The following ZFHX3 variants were observed in gnomAD, a reference collection of about 807,000 sequenced individuals.
The protein encoded by ZFHX3 is zinc finger homeobox 3.
ZFHX3 carries 42 observed loss-of-function variants against 279.1 expected under a neutral mutation model. The observed-to-expected ratio is 0.15, with a 90% CI of 0.12 to 0.19. ZFHX3 has a LOEUF of 0.19. Ranked by LOEUF, ZFHX3 falls within the 10% of genes least tolerant of loss-of-function variation. The pLI, the probability that ZFHX3 is intolerant of heterozygous loss-of-function variation, is 1.00. For missense variants in ZFHX3, 4,981 were observed against 4,754.0 expected (o/e 1.05, Z -1.40); for synonymous variants, 2,293 against 1,957.8 (o/e 1.17, Z -4.52).
chr16:73,008,050 T>G (rs1963778707), intron 1 of ZFHX3, among the ~76,000 whole-genome samples: 1 of 152,216 alleles, frequency 6.6e-6, no homozygotes, highest in African/African-American at 2.4e-5. Flanking sequence ...CTTTTAGATT[T>G]ATCAATTCAG....
upstream of ZFHX3, among the ~76,000 whole-genome samples, chr16:73,064,607 C>G (rs1185678482): frequency 1.3e-5 from 2 of 151,250 alleles, no homozygotes; most frequent in Non-Finnish European, 2.9e-5. Context: ...TTCATTCTTT[C>G]TTTTTTCCTG....
chr16:73,634,769 G>A (rs529101380), intron 2 of ZFHX3, among the ~76,000 whole-genome samples: 92 of 152,188 alleles, frequency 6.0e-4, no homozygotes, highest in African/African-American at 2.1e-3. Context: ...ATAGCACTGG[G>A]TGACAAAGAA....
At chr16:73,638,583 T>C (rs948807523) in intron 2 of ZFHX3, among the ~76,000 whole-genome samples, 1 of 152,218 alleles carries the variant, frequency 6.6e-6, no homozygotes, top group South Asian at 2.1e-4. Context: ...GTATTTTGTA[T>C]GCTTACATAC....
chr16:73,336,355 A>T (rs888848607), intron 3 of ZFHX3, among the ~76,000 whole-genome samples: 1 of 151,894 alleles, frequency 6.6e-6, no homozygotes, highest in African/African-American at 2.4e-5. Flanking sequence ...TAAGCATAGC[A>T]CCTGATAGTT....
chr16:73,117,193 C>T (rs1450760811), intron 7 of ZFHX3, among the ~76,000 whole-genome samples: 2 of 152,010 alleles, frequency 1.3e-5, no homozygotes, highest in African/African-American at 2.4e-5. Flanking sequence ...CTTTCCTTCC[C>T]TCTTTCCTTC....
chr16:73,482,025 G>A (rs2018878687), intron 2 of ZFHX3, among the ~76,000 whole-genome samples: 1 of 152,140 alleles, frequency 6.6e-6, no homozygotes, highest in Non-Finnish European at 1.5e-5. Flanking sequence ...ACATATCAGA[G>A]GCCCTTTGAC....
Position 72,796,381 on chromosome 16 carries a change from T to A in ZFHX3, c.6301A>T (p.Met2101Leu). Residue 2101 changes from methionine to leucine, a missense_variant, in exon 9 of 10, where the codon ATG (methionine) becomes TTG (leucine). This residue lies in a region of ZFHX3 where 1,751 missense variants were observed against 1,770.0 expected (regional missense o/e 0.99). Coordinates refer to ENST00000268489, the MANE Select transcript of ZFHX3 (RefSeq NM_006885.4). ...PMELPIFSPL[M>L]MQTMPLQTLP... is the part of the protein sequence containing the mutation. ...GTCTGCAGCGGCATCGTCTGCATCA[T>A]CAGCGGCGAGAAGATGGGCAGCTCC... 2 of 1,613,550 alleles carry A rather than the reference T, an allele frequency of 1.2e-6. No homozygotes were observed. The highest frequency in any genetic ancestry group is 8.5e-7 in the Non-Finnish European group (1 of 1,180,004).
At chr16:73,801,210 A>C (rs1597121682) in intron 1 of ZFHX3, among the ~76,000 whole-genome samples, 1 of 152,218 alleles carries the variant, frequency 6.6e-6, no homozygotes, top group South Asian at 2.1e-4. Context: ...TTTTATCCCC[A>C]CTGGTAAAAC....
intron 1 of ZFHX3, among the ~76,000 whole-genome samples, chr16:73,799,459 C>T (rs1470549986): frequency 1.3e-5 from 2 of 152,072 alleles, no homozygotes; most frequent in Non-Finnish European, 2.9e-5. Context: ...TTTGGCCTTC[C>T]CTTGCAGGCA....
intron 3 of ZFHX3, among the ~76,000 whole-genome samples, chr16:72,930,091 G>A (rs545567478): frequency 3.0e-4 from 46 of 152,254 alleles, no homozygotes; most frequent in African/African-American, 1.1e-3. Context: ...GGTGGCGGGC[G>A]CCTGTAATCC....
intron 7 of ZFHX3, among the ~76,000 whole-genome samples, chr16:73,119,617 A>T (rs1264300088): frequency 6.6e-6 from 1 of 152,208 alleles, no homozygotes; most frequent in South Asian, 2.1e-4. Flanking sequence ...GCCAACAGGC[A>T]TCCTTACTGA....
chr16:73,510,176 C>G (rs2019404469), intron 2 of ZFHX3, among the ~76,000 whole-genome samples: 1 of 152,182 alleles, frequency 6.6e-6, no homozygotes, highest in Non-Finnish European at 1.5e-5. Flanking sequence ...AAGGCATCAT[C>G]TAGCCACTTG....
intron 8 of ZFHX3, among the ~76,000 whole-genome samples, chr16:73,077,574 C>A (rs1323557347): frequency 1.3e-5 from 2 of 151,728 alleles, no homozygotes; most frequent in African/African-American, 2.4e-5. Flanking sequence ...AAAGGCATAT[C>A]TACTAGTGTT....
rs903223955 is a variant in ZFHX3 at position 72,962,147 on chromosome 16, A to AG, written c.-49-1954dup. Among the ~76,000 whole-genome samples the AG allele has an allele frequency of 8.5e-5, 13 of 152,336 alleles. No individual in the cohort carries two copies. The South Asian group carries it at 1.9e-3, about 22-fold the overall frequency. ...TGGTAAGTTACAGGAACATGCGGGA[A>AG]GGGGGGGCCACGATTGATAAAGCAG... On this transcript the variant is annotated intron_variant, in intron 1 of 9. Coordinates refer to ENST00000268489, the MANE Select transcript of ZFHX3 (RefSeq NM_006885.4).
chr16:73,122,472 G>T (rs545727276), intron 7 of ZFHX3, among the ~76,000 whole-genome samples: 7 of 152,088 alleles, frequency 4.6e-5, no homozygotes, highest in African/African-American at 1.7e-4. Flanking sequence ...CTCTCAAAAT[G>T]CTGGGATTAC....
intron 2 of ZFHX3, among the ~76,000 whole-genome samples, chr16:73,589,435 C>CAA (rs35416481): frequency 3.0e-4 from 41 of 136,198 alleles, no homozygotes; most frequent in African/African-American, 3.3e-4. Context: ...GACGCTCTTT[C>CAA]AAAAAAAAAA....
intron 3 of ZFHX3, among the ~76,000 whole-genome samples, chr16:73,345,511 G>A (rs974243072): frequency 4.1e-4 from 62 of 151,248 alleles, no homozygotes; most frequent in African/African-American, 1.1e-3. Context: ...CTGTTCCTGC[G>A]TTAGTTTGCT....
At chr16:73,600,077 T>C (rs1301506694) in intron 2 of ZFHX3, among the ~76,000 whole-genome samples, 1 of 152,182 alleles carries the variant, frequency 6.6e-6, no homozygotes. Context: ...CATGCCAACA[T>C]TTTGTAAGGG....
rs141350175 is a variant in ZFHX3, at chr16:73,598,750, C to G, written c.-1547+81430G>C. Among the ~76,000 whole-genome samples the G allele has an allele frequency of 1.4e-3, 217 of 151,674 alleles. 2 individuals carry two copies. Among genetic ancestry groups the G allele is most frequent in the African/African-American group, 5.0e-3 (208 of 41,388 alleles). On this transcript the variant is annotated intron_variant, in intron 2 of 17. Coordinates refer to the ZFHX3 transcript ENST00000641206. ...CACGATTCTTGATCACCCATTTCTT[C>G]AAATACTCTCTTTTTTGTTTGTTTG...
Sources: allele counts gnomAD v4.1 joint callset (sites outside exome capture counted in the v4.1 genomes callset), GRCh38; gene constraint gnomAD v4.1.1; regional missense constraint gnomAD v4.1.1; transcripts MANE v1.5; gene names NCBI Gene and HGNC (gene_info 2026-07-23, HGNC 2026-07-21).